PLXNC1: variants seen among roughly 807,000 people sequenced by gnomAD.
PLXNC1 encodes the protein plexin C1.
Under a neutral mutation model 178.2 loss-of-function variants are expected in PLXNC1, and 75 were observed. The observed-to-expected ratio is 0.42, with a 90% CI of 0.35 to 0.51. PLXNC1 has a LOEUF of 0.51. PLXNC1 is among the 20% of genes least tolerant of loss of function. The probability of loss-of-function intolerance (pLI) is 0.02; values close to 1 mark genes in which losing one functional copy is unlikely to be tolerated. For missense variants in PLXNC1, 1,503 were observed against 1,984.4 expected (o/e 0.76, Z 4.61); for synonymous variants, 790 against 779.9 (o/e 1.01, Z -0.22).
intron 10 of PLXNC1, among the ~76,000 whole-genome samples, chr12:94,239,827 C>T (rs182321024): frequency 6.6e-6 from 1 of 152,330 alleles, no homozygotes; most frequent in East Asian, 1.9e-4. Flanking sequence ...GATGCCTGGG[C>T]TCTTGGTTTA....
intron 9 of PLXNC1, among the ~76,000 whole-genome samples, chr12:94,231,157 CAGTGTGGTTGGTTA>C (rs985464766): frequency 6.6e-6 from 1 of 152,154 alleles, no homozygotes; most frequent in Non-Finnish European, 1.5e-5. Context: ...AACACTTAAT[CAGTGTGGTTGGTTA>C]AGTCTTTGAT....
chr12:94,247,282 A>T (rs958904256), intron 12 of PLXNC1, among the ~76,000 whole-genome samples: 11 of 151,728 alleles, frequency 7.2e-5, no homozygotes, highest in African/African-American at 2.7e-4. Context: ...TTCAGTTTTC[A>T]TGCTCTTCAT....
chr12:94,156,492 T>TTA, intron 1 of PLXNC1, among the ~76,000 whole-genome samples: 1 of 151,110 alleles, frequency 6.6e-6, no homozygotes, highest in Non-Finnish European at 1.5e-5. Context: ...TTTTTTTTTT[T>TTA]CTTGAAACAG....
At chr12:94,241,545 A>G (rs894561481) in intron 11 of PLXNC1, among the ~76,000 whole-genome samples, 1 of 152,096 alleles carries the variant, frequency 6.6e-6, no homozygotes, top group African/African-American at 2.4e-5. Context: ...TCTGATACCC[A>G]TAATTCTACT....
intron 9 of PLXNC1, among the ~76,000 whole-genome samples, chr12:94,237,382 C>A (rs1249721785): frequency 6.6e-6 from 1 of 152,208 alleles, no homozygotes; most frequent in Non-Finnish European, 1.5e-5. Context: ...TCTAGTGATA[C>A]CTCACTCTTC....
chr12:94,204,437 A>T (rs967320439), intron 4 of PLXNC1, among the ~76,000 whole-genome samples: 48 of 151,536 alleles, frequency 3.2e-4, no homozygotes, highest in African/African-American at 1.1e-3. Context: ...GTTTTTGCTT[A>T]AAAAAAATCT....
chr12:94,248,236 G>T lies in PLXNC1; in HGVS notation c.2602G>T (p.Asp868Tyr). The change falls in exon 14 of 31, where the codon GAC becomes TAC. Residue 868 changes from aspartate to tyrosine, a missense_variant. This residue lies in a region of PLXNC1 where 639 missense variants were observed against 979.7 expected (regional missense o/e 0.65). Coordinates refer to ENST00000258526, the MANE Select transcript of PLXNC1 (RefSeq NM_005761.3). ...ELEVKIQKEN[D>Y]NFNISKKDIE... ...ATTTTGTTCTTTACAGAAAGAAAAT[G>T]ACAACTTCAACATTTCCAAAAAAGA... 1 of 1,608,720 alleles carries T rather than the reference G, an allele frequency of 6.2e-7. No homozygotes were observed. Among genetic ancestry groups the T allele is most frequent in the South Asian group, 1.1e-5 (1 of 89,990 alleles).
At chr12:94,288,757 C>T (rs925943398) in intron 23 of PLXNC1, among the ~76,000 whole-genome samples, 3 of 152,152 alleles carry the variant, frequency 2.0e-5, no homozygotes, top group Admixed American at 6.5e-5. Context: ...AGGGAGAAGA[C>T]GATACTGACG....
intron 9 of PLXNC1, among the ~76,000 whole-genome samples, chr12:94,235,040 G>A (rs78660372): frequency 0.011 from 1,746 of 152,190 alleles, 23 homozygotes; most frequent in South Asian, 0.016. Flanking sequence ...GGTCCTCTTG[G>A]TAGCTCTTTA....
intron 4 of PLXNC1, among the ~76,000 whole-genome samples, chr12:94,187,386 G>A (rs1385726857): frequency 6.6e-6 from 1 of 151,962 alleles, no homozygotes; most frequent in Admixed American, 6.6e-5. Context: ...GGGAGAGGGG[G>A]AAATGCAATA....
At chr12:94,293,558 G>A (rs1170929994) in intron 23 of PLXNC1, among the ~76,000 whole-genome samples, 10 of 152,164 alleles carry the variant, frequency 6.6e-5, no homozygotes, top group African/African-American at 1.9e-4. Flanking sequence ...GCTGAGAGCC[G>A]TCTTCTTGTA....
At chr12:94,240,427 TA>T in intron 10 of PLXNC1, 57 bp from the exon 11 acceptor site, 1 of 1,296,462 alleles carries the variant, frequency 7.7e-7, no homozygotes, top group Non-Finnish European at 1.1e-6. Context: ...TCACCTTGGG[TA>T]ATCAACTGTG....
intron 21 of PLXNC1, among the ~76,000 whole-genome samples, chr12:94,267,404 CACTCG>C (rs1965302864): frequency 6.6e-6 from 1 of 151,958 alleles, no homozygotes; most frequent in South Asian, 2.1e-4. Context: ...GATTTGTTAA[CACTCG>C]ACTCATCATC....
Position 94,237,724 on chromosome 12 carries a change from A to G in PLXNC1, c.2041A>G (p.Ile681Val), listed in dbSNP as rs776000079. The part of the protein sequence containing the change: ...KVSTLGKSNV[I>V]VTGANFTRAS... ...ATCGACATTAGGGAAAAGCAACGTG[A>G]TAGTAACGGGAGCAAACTTTACCCG... The change falls in exon 10 of 31, where the codon ATA (isoleucine) becomes GTA (valine). Residue 681 changes from isoleucine to valine, a missense_variant. Ile to Val is a conservative substitution (Grantham distance 29). Transcript: ENST00000258526. 6.2e-7 allele frequency: 1 copy of G among 1,613,946 alleles called. No individual in the cohort carries two copies. The highest frequency in any genetic ancestry group is 8.5e-7 in the Non-Finnish European group (1 of 1,179,834).
At chr12:94,267,160 T>C (rs1392374838) in intron 21 of PLXNC1, among the ~76,000 whole-genome samples, 2 of 152,102 alleles carry the variant, frequency 1.3e-5, no homozygotes, top group African/African-American at 4.8e-5. Flanking sequence ...CAAAGAGAAA[T>C]ATTTGCAAAT....
intron 5 of PLXNC1, among the ~76,000 whole-genome samples, chr12:94,214,458 G>A (rs1295740682): frequency 6.6e-6 from 1 of 152,122 alleles, no homozygotes; most frequent in East Asian, 1.9e-4. Flanking sequence ...GACATTATTT[G>A]TAAAGCCCTG....
intron 21 of PLXNC1, among the ~76,000 whole-genome samples, 170 bp downstream of exon 21, chr12:94,265,395 AATAG>A (rs1965180545): frequency 6.6e-6 from 1 of 152,162 alleles, no homozygotes; most frequent in South Asian, 2.1e-4. Context: ...GTGTTCACAT[AATAG>A]ATTTTAATTA....
intron 9 of PLXNC1, among the ~76,000 whole-genome samples, chr12:94,230,285 C>T (rs1045996995): frequency 6.6e-6 from 1 of 152,196 alleles, no homozygotes; most frequent in African/African-American, 2.4e-5. Flanking sequence ...ATAATTCATT[C>T]CTTTTTATCG....
intron 1 of PLXNC1, among the ~76,000 whole-genome samples, chr12:94,167,100 C>T (rs540877244): frequency 7.9e-5 from 12 of 152,212 alleles, no homozygotes; most frequent in African/African-American, 2.6e-4. Flanking sequence ...AGAAGGACAC[C>T]GGGAAAGGTG....
Sources: allele counts gnomAD v4.1 joint callset (sites outside exome capture counted in the v4.1 genomes callset), GRCh38; gene constraint gnomAD v4.1.1; regional missense constraint gnomAD v4.1.1; transcripts MANE v1.5; gene names NCBI Gene and HGNC (gene_info 2026-07-23, HGNC 2026-07-21).